TMEM272: variants seen among roughly 807,000 people sequenced by gnomAD.
TMEM272 encodes transmembrane protein 272.
In TMEM272, 8 loss-of-function variants were observed where a neutral mutation model predicts 3.7. The observed-to-expected ratio is 2.17, with a 90% confidence interval of 1.27 to 3.91. TMEM272 has a LOEUF of 3.91. TMEM272 is among the 30% of genes most tolerant of loss of function. The pLI is 0.00. For synonymous variants in TMEM272, 63 were observed against 39.8 expected (o/e 1.58, Z -2.20); for missense variants, 166 against 91.5 (o/e 1.81, Z -3.32).
At chr13:51,902,517 T>C in the TMEM272 span, among the ~76,000 whole-genome samples, 1 of 152,376 alleles carries the variant, frequency 6.6e-6, no homozygotes, top group African/African-American at 2.4e-5. Flanking sequence ...ATAGGTTTTA[T>C]AGAAAGTATG....
At chr13:51,832,671 CT>C (rs1956183015) in intron 2 of TMEM272, among the ~76,000 whole-genome samples, 1 of 152,208 alleles carries the variant, frequency 6.6e-6, no homozygotes, top group South Asian at 2.1e-4. Context: ...CCACCCACCC[CT>C]CTTCTCCAGC....
chr13:51,872,916 C>G, the TMEM272 span, among the ~76,000 whole-genome samples: 4 of 152,160 alleles, frequency 2.6e-5, no homozygotes, highest in African/African-American at 4.8e-5. Flanking sequence ...TCAATTCACA[C>G]GAATGCCCCC....
At chr13:51,837,063 T>A (rs1015439165) in intron 2 of TMEM272, among the ~76,000 whole-genome samples, 5 of 152,172 alleles carry the variant, frequency 3.3e-5, no homozygotes, top group African/African-American at 1.2e-4. Context: ...GGCCTTGCCA[T>A]TGTGCTGGCT....
the TMEM272 span, among the ~76,000 whole-genome samples, chr13:51,917,692 A>G: frequency 3.9e-5 from 6 of 152,216 alleles, no homozygotes; most frequent in African/African-American, 1.4e-4. Flanking sequence ...GGGCAAGTTA[A>G]GTTACTTAAC....
chr13:51,894,465 C>T, the TMEM272 span, among the ~76,000 whole-genome samples: 2 of 152,268 alleles, frequency 1.3e-5, no homozygotes, highest in African/African-American at 2.4e-5. Context: ...GTTTGGGTGA[C>T]GTATTCACCC....
the TMEM272 span, among the ~76,000 whole-genome samples, chr13:51,864,511 G>A: frequency 6.6e-6 from 1 of 152,194 alleles, no homozygotes; most frequent in Non-Finnish European, 1.5e-5. Context: ...CTCTCTTTCA[G>A]CATTGGGTTT....
At chr13:51,908,979 A>G in the TMEM272 span, 128 of 1,424,092 alleles carry the variant, frequency 9.0e-5, 2 homozygotes, top group Middle Eastern at 5.4e-4. Flanking sequence ...TCCCCCTGGA[A>G]GCAAAGGTGA....
chr13:51,908,409 G>C, the TMEM272 span: 3 of 1,486,402 alleles, frequency 2.0e-6, no homozygotes, highest in Middle Eastern at 1.7e-4. Flanking sequence ...TGGTGGACCT[G>C]GGACATCCCT....
chr13:51,909,189 T>A, the TMEM272 span: 1 of 1,338,190 alleles, frequency 7.5e-7, no homozygotes. Flanking sequence ...TTTGTGAGCA[T>A]TTTCTTTCCT....
chr13:51,927,259 A>C, the TMEM272 span, among the ~76,000 whole-genome samples: 1 of 151,898 alleles, frequency 6.6e-6, no homozygotes, highest in Non-Finnish European at 1.5e-5. Context: ...TCCCCACCCC[A>C]CCCCAGGAAC....
chr13:51,820,997 G>C (rs1956073883), intron 4 of TMEM272, among the ~76,000 whole-genome samples: 4 of 152,198 alleles, frequency 2.6e-5, no homozygotes, highest in Admixed American at 2.6e-4. Flanking sequence ...CGACAGAGTT[G>C]AGCTTGTGGC....
At chr13:51,913,443 T>C in the TMEM272 span, among the ~76,000 whole-genome samples, 4 of 152,208 alleles carry the variant, frequency 2.6e-5, no homozygotes, top group Admixed American at 2.6e-4. Flanking sequence ...TGTAATTATA[T>C]TGTCTCCCTG....
chr13:51,906,096 C>G, the TMEM272 span, among the ~76,000 whole-genome samples: 180 of 152,296 alleles, frequency 1.2e-3, no homozygotes, highest in African/African-American at 4.2e-3. Context: ...CTTCTCCTAG[C>G]AAATGGTGGA....
At chr13:51,853,192 A>C in the TMEM272 span, among the ~76,000 whole-genome samples, 1 of 152,110 alleles carries the variant, frequency 6.6e-6, no homozygotes, top group Non-Finnish European at 1.5e-5. Context: ...AGATCACCTG[A>C]GGTCAGGAGT....
At chr13:51,835,586 A>T (rs1051761615) in intron 2 of TMEM272, among the ~76,000 whole-genome samples, 1 of 152,212 alleles carries the variant, frequency 6.6e-6, no homozygotes, top group Non-Finnish European at 1.5e-5. Context: ...AAATGTAGAA[A>T]ACCAGAAAGA....
the TMEM272 span, chr13:51,865,312 C>G: frequency 7.3e-7 from 1 of 1,364,230 alleles, no homozygotes; most frequent in Non-Finnish European, 1.0e-6. Context: ...ATAGATCTGT[C>G]TTTTCTGCTG....
chr13:51,852,137 T>C, the TMEM272 span, among the ~76,000 whole-genome samples: 10 of 152,362 alleles, frequency 6.6e-5, no homozygotes, highest in South Asian at 2.1e-3. Flanking sequence ...CCTATTTCCT[T>C]CCAACTCTGC....
intron 4 of TMEM272, among the ~76,000 whole-genome samples, chr13:51,821,695 A>C (rs1956080933): frequency 1.7e-4 from 1 of 5,946 alleles, no homozygotes. Flanking sequence ...AAAGCAAAAA[A>C]AAAAAAAGCA....
chr13:51,928,121 CA>C, the TMEM272 span, among the ~76,000 whole-genome samples: 1 of 151,756 alleles, frequency 6.6e-6, no homozygotes, highest in Non-Finnish European at 1.5e-5. Context: ...GCCTGGTGTC[CA>C]GTAACTGGAC....
Sources: gnomAD v4.1 joint callset for allele counts (sites outside exome capture counted in the v4.1 genomes callset) on GRCh38, gnomAD v4.1.1 for gene constraint, MANE v1.5 for transcripts, NCBI Gene and HGNC (gene_info 2026-07-23, HGNC 2026-07-21) for gene names.